The following BCAS1 variants were observed in gnomAD, a reference collection of about 807,000 sequenced individuals.
BCAS1 encodes breast carcinoma-amplified sequence 1.
BCAS1 carries 46 observed loss-of-function variants against 65.4 expected under a neutral mutation model. The ratio of observed to expected loss-of-function variants is 0.70; its 90% CI spans 0.55 to 0.90. The LOEUF is 0.90. Among genes scored for constraint, BCAS1 ranks in the 40% least tolerant of loss-of-function variants. The pLI is 0.00. For missense variants in BCAS1, 793 were observed against 771.2 expected, an observed-to-expected ratio of 1.03 and a Z score of -0.33; for synonymous variants, 298 against 293.5, an observed-to-expected ratio of 1.02 and a Z score of -0.16.
chr20:53,970,300 T>C (rs534915418), intron 9 of BCAS1, among the ~76,000 whole-genome samples: 1 of 152,278 alleles, frequency 6.6e-6, no homozygotes, highest in African/African-American at 2.4e-5. Context: ...AATATAGTAC[T>C]TCTGGAGACT....
chr20:54,057,689 T>C (rs1223971394), intron 3 of BCAS1, among the ~76,000 whole-genome samples: 1 of 152,214 alleles, frequency 6.6e-6, no homozygotes, highest in East Asian at 1.9e-4. Context: ...GATGAGGTTA[T>C]TAGGGTGGGC....
intron 3 of BCAS1, among the ~76,000 whole-genome samples, chr20:54,040,923 G>C (rs2299705): frequency 0.19 from 28,786 of 150,964 alleles, 3,515 homozygotes; most frequent in East Asian, 0.32. Context: ...CTGAAAAGTG[G>C]AAACAACCCA....
chr20:54,021,364 T>G (rs540505111), intron 4 of BCAS1, among the ~76,000 whole-genome samples: 4 of 142,784 alleles, frequency 2.8e-5, no homozygotes, highest in East Asian at 4.1e-4. Context: ...TCCACTGTCC[T>G]GGAGTCTATT....
In BCAS1 at chr20:54,058,679, G is replaced by C; in HGVS notation, c.40C>G (p.Gln14Glu). 6.3e-7 allele frequency: 1 copy of C among 1,576,030 alleles called. No homozygotes were observed. The highest frequency in any genetic ancestry group is 8.6e-7 in the Non-Finnish European group (1 of 1,163,384). The change falls in exon 2 of 13, where the codon CAA becomes GAA. Residue 14 changes from glutamine to glutamate, a missense_variant. Coordinates refer to ENST00000688948, the MANE Select transcript of BCAS1 (RefSeq NM_001366298.2). The part of the protein sequence containing the change: ...QMSVPQRVED[Q>E]ENEPEAETYQ... ...GTCTCTGCTTCTGGTTCATTCTCTT[G>C]GTCTTCAACTCTTTGGGGAACACTC...
intron 3 of BCAS1, among the ~76,000 whole-genome samples, chr20:54,043,693 T>C (rs1245444293): frequency 6.6e-6 from 1 of 152,126 alleles, no homozygotes; most frequent in Non-Finnish European, 1.5e-5. Flanking sequence ...TGGGAACAGA[T>C]AGCTGGGCCC....
chr20:54,041,926 A>AAAAAAAAAAAAAAAAAAC (rs2092006874), intron 3 of BCAS1, among the ~76,000 whole-genome samples: 1 of 149,880 alleles, frequency 6.7e-6, no homozygotes, highest in East Asian at 1.9e-4. Flanking sequence ...AAAAAAAAAA[A>AAAAAAAAAAAAAAAAAAC]AAAAAGAACA....
intron 10 of BCAS1, among the ~76,000 whole-genome samples, chr20:53,964,191 T>C (rs1388417456): frequency 6.6e-6 from 1 of 152,172 alleles, no homozygotes; most frequent in Non-Finnish European, 1.5e-5. Flanking sequence ...ATGATTCAAA[T>C]AAGTTGTTCT....
chr20:53,953,840 AAG>A (rs1377716272), intron 11 of BCAS1, 145 bp from the exon 12 acceptor site: 1 of 1,013,354 alleles, frequency 9.9e-7, no homozygotes, highest in African/African-American at 1.6e-5. Flanking sequence ...AATATAAAAA[AAG>A]GTAAAATGTG....
intron 3 of BCAS1, among the ~76,000 whole-genome samples, chr20:54,048,581 G>T (rs2092153498): frequency 6.6e-6 from 1 of 152,194 alleles, no homozygotes; most frequent in Non-Finnish European, 1.5e-5. Flanking sequence ...TGTGATGTTT[G>T]GTTCTGTGAC....
chr20:53,967,140 A>G, intron 9 of BCAS1, 67 bp from the exon 10 acceptor site: 1 of 1,563,802 alleles, frequency 6.4e-7, no homozygotes, highest in South Asian at 1.2e-5. Context: ...TGTTTTACAA[A>G]GTGGGGTCCT....
chr20:53,969,721 T>G (rs1159494296), intron 9 of BCAS1, among the ~76,000 whole-genome samples: 3 of 152,186 alleles, frequency 2.0e-5, no homozygotes, highest in African/African-American at 7.2e-5. Flanking sequence ...TTTCATCATT[T>G]TATTTGTTAC....
chr20:54,048,798 C>T (rs1251231910), intron 3 of BCAS1, among the ~76,000 whole-genome samples: 1 of 152,190 alleles, frequency 6.6e-6, no homozygotes, highest in Non-Finnish European at 1.5e-5. Context: ...TATTTTATTC[C>T]TCTGCTACCA....
chr20:53,990,458 A>G (rs1301738134), intron 7 of BCAS1, among the ~76,000 whole-genome samples: 1 of 152,230 alleles, frequency 6.6e-6, no homozygotes, highest in Non-Finnish European at 1.5e-5. Context: ...TTTTATAAGA[A>G]GGATCATAGA....
chr20:54,010,767 A>G (rs2091302059), intron 4 of BCAS1, among the ~76,000 whole-genome samples: 1 of 152,210 alleles, frequency 6.6e-6, no homozygotes, highest in African/African-American at 2.4e-5. Context: ...TTTATATGGA[A>G]AGACAAAGGA....
intron 4 of BCAS1, among the ~76,000 whole-genome samples, chr20:54,008,875 A>G (rs546664590): frequency 2.0e-5 from 3 of 151,138 alleles, no homozygotes; most frequent in Non-Finnish European, 2.9e-5. Flanking sequence ...GCACAATGGC[A>G]CAATCTTGGC....
chr20:54,003,226 C>CAAAAAAAAAAAA (rs36065746), intron 4 of BCAS1, among the ~76,000 whole-genome samples: 3 of 98,574 alleles, frequency 3.0e-5, no homozygotes, highest in Non-Finnish European at 5.9e-5. Context: ...GCCAAACAGA[C>CAAAAAAAAAAAA]AAAAAAAAAA....
chr20:53,958,555 A>G (rs1183129618), intron 10 of BCAS1, among the ~76,000 whole-genome samples: 2 of 152,232 alleles, frequency 1.3e-5, no homozygotes, highest in Admixed American at 6.5e-5. Flanking sequence ...AACAGCCAGA[A>G]ACATTGAAAG....
intron 1 of BCAS1, among the ~76,000 whole-genome samples, chr20:54,067,138 G>T (rs1329513903): frequency 6.6e-6 from 1 of 152,204 alleles, no homozygotes; most frequent in Non-Finnish European, 1.5e-5. Flanking sequence ...AGTTTGGGAG[G>T]CTGAGGTGGG....
chr20:54,028,453 T>G lies in BCAS1; in HGVS notation c.662A>C (p.Gln221Pro). The change falls in exon 4 of 13, where the codon CAA becomes CCA. Residue 221 changes from glutamine (Q) to proline (P), a missense_variant. Coordinates refer to ENST00000688948, the MANE Select transcript of BCAS1 (RefSeq NM_001366298.2). Reference sequence around the variant, plus strand: ...GCCAGGAACCTCATCCACCTTGTCTTGATGCTCTGCCCTCTTGGCTTCCTG... The same window carrying G: ...GCCAGGAACCTCATCCACCTTGTCTGGATGCTCTGCCCTCTTGGCTTCCTG... ...SQQEAKRAEH[Q>P]DKVDEVPGLS... 1.2e-6 allele frequency: 2 copies of G among 1,614,226 alleles called. No homozygotes were observed. The highest frequency in any genetic ancestry group is 1.7e-6 in the Non-Finnish European group (2 of 1,180,038).
Sources: gnomAD v4.1 joint callset for allele counts (sites outside exome capture counted in the v4.1 genomes callset) on GRCh38, gnomAD v4.1.1 for gene constraint, MANE v1.5 for transcripts, NCBI Gene and HGNC (gene_info 2026-07-23, HGNC 2026-07-21) for gene names.